PRKCE: variants seen among roughly 807,000 people sequenced by gnomAD.
PRKCE encodes protein kinase C epsilon.
Under a neutral mutation model 85.4 loss-of-function variants are expected in PRKCE, and 16 were observed. That is an observed-to-expected ratio of 0.19 (90% CI 0.13 to 0.28). PRKCE has a LOEUF of 0.28. Ranked by LOEUF, PRKCE falls within the 10% of genes least tolerant of loss-of-function variation. PRKCE has a pLI of 1.00. For missense variants in PRKCE, 573 were observed against 975.2 expected (o/e 0.59, Z 5.49); for synonymous variants, 388 against 371.5 (o/e 1.04, Z -0.51).
chr2:45,970,470 C>G (rs956954184), intron 2 of PRKCE, among the ~76,000 whole-genome samples: 1 of 152,030 alleles, frequency 6.6e-6, no homozygotes, highest in African/African-American at 2.4e-5. Context: ...CAGAGAAATT[C>G]AGATTGTGAA....
intron 1 of PRKCE, among the ~76,000 whole-genome samples, chr2:45,683,973 T>C (rs1371865601): frequency 6.6e-6 from 1 of 152,202 alleles, no homozygotes; most frequent in Non-Finnish European, 1.5e-5. Flanking sequence ...AGGGACTTAT[T>C]AGCTGGAAGT....
chr2:45,986,671 G>T (rs768629478), intron 6 of PRKCE, among the ~76,000 whole-genome samples: 1 of 152,334 alleles, frequency 6.6e-6, no homozygotes, highest in African/African-American at 2.4e-5. Context: ...TGAGAGGCAC[G>T]AGGAGGGTGG....
At chr2:46,051,833 T>C (rs1708877953) in intron 10 of PRKCE, among the ~76,000 whole-genome samples, 1 of 152,140 alleles carries the variant, frequency 6.6e-6, no homozygotes, top group African/African-American at 2.4e-5. Flanking sequence ...TGGGGACGCT[T>C]CAGGAAAGTT....
chr2:46,037,277 G>A (rs1441196217), intron 10 of PRKCE, among the ~76,000 whole-genome samples: 3 of 152,186 alleles, frequency 2.0e-5, no homozygotes, highest in African/African-American at 7.2e-5. Flanking sequence ...CTCCATTTCT[G>A]GACTAAACAG....
chr2:46,020,715 A>G (rs1333254475), intron 10 of PRKCE, among the ~76,000 whole-genome samples: 1 of 152,242 alleles, frequency 6.6e-6, no homozygotes, highest in East Asian at 1.9e-4. Flanking sequence ...TACTTCATTG[A>G]TCAGGAGAAT....
chr2:45,872,203 C>T (rs190716276), intron 2 of PRKCE, among the ~76,000 whole-genome samples: 1 of 152,026 alleles, frequency 6.6e-6, no homozygotes. Context: ...GAACAGGGAG[C>T]CCTTTGCGTA....
intron 1 of PRKCE, among the ~76,000 whole-genome samples, chr2:45,741,373 A>G (rs969782493): frequency 1.3e-5 from 2 of 152,194 alleles, no homozygotes; most frequent in African/African-American, 4.8e-5. Context: ...CTGGCCTTAA[A>G]GTTGCATAAA....
At chr2:46,089,671 G>A (rs1669976998) in intron 11 of PRKCE, among the ~76,000 whole-genome samples, 1 of 152,014 alleles carries the variant, frequency 6.6e-6, no homozygotes, top group Admixed American at 6.5e-5. Context: ...GCGGGTTGGG[G>A]AAGGCATCCA....
chr2:45,788,438 A>T (rs941940788), intron 1 of PRKCE, among the ~76,000 whole-genome samples: 5 of 151,712 alleles, frequency 3.3e-5, no homozygotes, highest in African/African-American at 7.3e-5. Flanking sequence ...GAGAATCCTG[A>T]CTCCAGTGTT....
rs184511031 is a variant in PRKCE at position 45,855,131 on chromosome 2, C to A, written c.412+12068C>A. ...TCTGGTTTTGATGAACCAGTGTTTCCATTTGTTCTATTACAAGACTGTTCT... is the reference window on the plus strand; with the variant it reads ...TCTGGTTTTGATGAACCAGTGTTTCAATTTGTTCTATTACAAGACTGTTCT... On this transcript the variant is annotated intron_variant, in intron 2 of 14. Coordinates refer to ENST00000306156, the MANE Select transcript of PRKCE (RefSeq NM_005400.3). 6.0e-4 allele frequency among the ~76,000 whole-genome samples: 90 copies of A among 151,168 alleles called. 1 individual carries two copies. The highest frequency in any genetic ancestry group is 2.1e-3 in the African/African-American group (87 of 40,540).
At chr2:45,870,466 T>A (rs990897064) in intron 2 of PRKCE, among the ~76,000 whole-genome samples, 1 of 152,248 alleles carries the variant, frequency 6.6e-6, no homozygotes, top group Non-Finnish European at 1.5e-5. Context: ...TAACATCAGC[T>A]ATTGATTTGG....
chr2:45,725,299 T>C (rs1558599989), intron 1 of PRKCE, among the ~76,000 whole-genome samples: 1 of 152,236 alleles, frequency 6.6e-6, no homozygotes, highest in Non-Finnish European at 1.5e-5. Context: ...TTCAAAATGT[T>C]ACTGTTCATT....
chr2:46,082,752 A>G (rs1238950171), intron 10 of PRKCE, among the ~76,000 whole-genome samples: 5 of 152,334 alleles, frequency 3.3e-5, no homozygotes, highest in African/African-American at 1.2e-4. Flanking sequence ...AAGCCAAGGG[A>G]AACAAGTGTG....
At position 45,843,129 on chromosome 2, in the gene PRKCE, T is replaced by A. The variant is rs61763784; in HGVS notation, c.412+66T>A. 1,292 of 1,399,968 alleles carry A rather than the reference T, an allele frequency of 9.2e-4. 10 individuals are homozygous for A. In the African/African-American group the frequency reaches 0.016, roughly 17 times the overall value. The allele number at this position is 1,399,968 out of a possible 1,614,324, so 86.7% of individuals were successfully genotyped here. ...GCCCTTTGCCTTCTGGGTCTCTTCT[T>A]TCCCCCCCTTGGCCGGAACACATTA... On this transcript the variant is annotated intron_variant, in intron 2 of 14. Coordinates refer to ENST00000306156, the MANE Select transcript of PRKCE (RefSeq NM_005400.3).
chr2:45,760,139 AAGG>A (rs1684341517), intron 1 of PRKCE, among the ~76,000 whole-genome samples: 1 of 152,180 alleles, frequency 6.6e-6, no homozygotes. Flanking sequence ...AGGCTGTGAA[AAGG>A]AGAAGAGATT....
chr2:45,993,164 G>C (rs1703946233), intron 6 of PRKCE, among the ~76,000 whole-genome samples: 1 of 151,064 alleles, frequency 6.6e-6, no homozygotes, highest in Non-Finnish European at 1.5e-5. Flanking sequence ...GGGTGGGGGT[G>C]GGTGGTTCAT....
At chr2:46,099,977 A>G (rs1256599473) in intron 11 of PRKCE, among the ~76,000 whole-genome samples, 1 of 152,174 alleles carries the variant, frequency 6.6e-6, no homozygotes, top group Non-Finnish European at 1.5e-5. Flanking sequence ...CTAGAACTCT[A>G]ATAAAGCTCA....
rs111934898 is a variant in PRKCE at position 45,657,003 on chromosome 2, CAG to C, written c.348+4556_348+4557del. ...GGATGGATTGGCATTGCATTTAGCA[CAG>C]GGGTGGGAGGCAGGCGGAGCAAGGA... On this transcript the variant is annotated intron_variant, in intron 1 of 14. Coordinates refer to ENST00000306156, the MANE Select transcript of PRKCE (RefSeq NM_005400.3). Among the ~76,000 whole-genome samples, 430 of 152,282 alleles carry C rather than the reference CAG, an allele frequency of 2.8e-3. 4 individuals are homozygous for C. The highest frequency in any genetic ancestry group is 0.01 in the African/African-American group (418 of 41,554).
intron 2 of PRKCE, among the ~76,000 whole-genome samples, chr2:45,931,604 T>G (rs1429559346): frequency 6.6e-6 from 1 of 152,258 alleles, no homozygotes; most frequent in Admixed American, 6.5e-5. Flanking sequence ...TGTTCTATAA[T>G]TGAATACTTT....
Sources: gnomAD v4.1 joint callset for allele counts (sites outside exome capture counted in the v4.1 genomes callset) on GRCh38, gnomAD v4.1.1 for gene constraint, MANE v1.5 for transcripts, NCBI Gene and HGNC (gene_info 2026-07-23, HGNC 2026-07-21) for gene names.